Variants in CDK14 observed in about 807,000 individuals in gnomAD.
The protein encoded by CDK14 is cyclin-dependent kinase 14.
CDK14 carries 34 observed loss-of-function variants against 60.7 expected under a neutral mutation model. The ratio of observed to expected loss-of-function variants is 0.56; its 90% CI spans 0.43 to 0.75. CDK14 has a LOEUF of 0.75. Ranked by LOEUF, CDK14 falls within the 30% of genes least tolerant of loss-of-function variation. The pLI is 0.00. For missense variants in CDK14, 482 were observed against 564.1 expected, an observed-to-expected ratio of 0.85 and a Z score of 1.47; for synonymous variants, 197 against 203.7, an observed-to-expected ratio of 0.97 and a Z score of 0.28.
At chr7:90,618,792 T>A (rs17869932) in intron 2 of CDK14, among the ~76,000 whole-genome samples, 1 of 152,232 alleles carries the variant, frequency 6.6e-6, no homozygotes, top group Non-Finnish European at 1.5e-5. Context: ...CTTTCCTTTT[T>A]ACCATCAGTT....
At chr7:90,733,173 G>T (rs1174515661) in intron 3 of CDK14, among the ~76,000 whole-genome samples, 1 of 152,080 alleles carries the variant, frequency 6.6e-6, no homozygotes, top group Non-Finnish European at 1.5e-5. Flanking sequence ...TTAATCCTGA[G>T]TTCTAATTTG....
chr7:91,053,527 C>G (rs529081333), intron 11 of CDK14, among the ~76,000 whole-genome samples: 1 of 152,340 alleles, frequency 6.6e-6, no homozygotes, highest in African/African-American at 2.4e-5. Context: ...CCACCCTCCA[C>G]TTGCTAGGTA....
intron 11 of CDK14, 29 bp downstream of exon 11, chr7:91,045,989 G>A (rs1165336205): frequency 1.4e-6 from 2 of 1,434,138 alleles, no homozygotes; most frequent in South Asian, 1.1e-5. Flanking sequence ...AGATGACTAG[G>A]TGCTTCCTAT....
chr7:90,945,318 G>A (rs1403778707), intron 8 of CDK14, among the ~76,000 whole-genome samples: 3 of 152,164 alleles, frequency 2.0e-5, no homozygotes, highest in Admixed American at 6.5e-5. Flanking sequence ...AATACCTTTC[G>A]AGTTAGATGT....
At chr7:90,729,359 TTTTTTTTTTTTTC>T (rs1369921239) in intron 3 of CDK14, among the ~76,000 whole-genome samples, 6 of 133,250 alleles carry the variant, frequency 4.5e-5, no homozygotes, top group Admixed American at 1.5e-4. Context: ...TTTTTTTTTT[TTTTTTTTTTTTTC>T]CCCACTCATC....
chr7:90,898,398 A>G (rs113394436), intron 6 of CDK14, among the ~76,000 whole-genome samples: 2 of 152,230 alleles, frequency 1.3e-5, no homozygotes, highest in South Asian at 2.1e-4. Context: ...GTTGTTATAA[A>G]TGACTACAGC....
At chr7:90,854,400 AG>A (rs1297655154) in intron 5 of CDK14, among the ~76,000 whole-genome samples, 1 of 152,092 alleles carries the variant, frequency 6.6e-6, no homozygotes, top group African/African-American at 2.4e-5. Context: ...AACATTAGCC[AG>A]GGGTGGCGGC....
At chr7:91,056,300 G>A (rs760556165) in intron 11 of CDK14, among the ~76,000 whole-genome samples, 2 of 151,778 alleles carry the variant, frequency 1.3e-5, no homozygotes, top group Non-Finnish European at 2.9e-5. Flanking sequence ...TGACCCAAGG[G>A]TAGGATGAAG....
chr7:90,645,192 A>T (rs940304062), intron 2 of CDK14, among the ~76,000 whole-genome samples: 17 of 152,312 alleles, frequency 1.1e-4, no homozygotes, highest in African/African-American at 4.1e-4. Flanking sequence ...ACATTATTGT[A>T]GTTGGAAGGT....
Position 90,604,234 on chromosome 7 carries a change from C to T in CDK14, c.108C>T (p.Asp36=), listed in dbSNP as rs369643463. 1.2e-4 allele frequency: 178 copies of T among 1,541,214 alleles called. No homozygotes were observed. The highest frequency in any genetic ancestry group is 3.3e-4 in the Admixed American group (17 of 51,346). Residue 36 remains aspartate, a synonymous_variant, in exon 2 of 15, where the codon GAC becomes GAT. Transcript: ENST00000380050. ...ATTTTATAGCTTTGAAGAAAGATGA[C>T]ACCACCTTTGATGAGGTAGGTTAAA... is the stretch of plus-strand genomic sequence containing the variant. ...SFSRIALKKD[D]TTFDEICVTK...
intron 2 of CDK14, among the ~76,000 whole-genome samples, chr7:90,722,277 C>T (rs1802486840): frequency 6.6e-6 from 1 of 152,096 alleles, no homozygotes. Context: ...CTCTGCAGCT[C>T]ACTGCAGCTT....
intron 8 of CDK14, among the ~76,000 whole-genome samples, chr7:90,923,255 G>A (rs979421336): frequency 5.9e-5 from 9 of 151,584 alleles, no homozygotes; most frequent in South Asian, 2.1e-4. Flanking sequence ...GACTACAGGC[G>A]CCCACCACCA....
At chr7:91,017,727 A>G (rs1368528443) in intron 10 of CDK14, among the ~76,000 whole-genome samples, 1 of 152,206 alleles carries the variant, frequency 6.6e-6, no homozygotes, top group African/African-American at 2.4e-5. Flanking sequence ...CTCTGCCTTC[A>G]CATAACTCTT....
chr7:90,945,318 G>C (rs1403778707), intron 8 of CDK14, among the ~76,000 whole-genome samples: 1 of 152,164 alleles, frequency 6.6e-6, no homozygotes, highest in Non-Finnish European at 1.5e-5. Context: ...AATACCTTTC[G>C]AGTTAGATGT....
At chr7:90,737,143 C>T (rs1181807897) in intron 3 of CDK14, among the ~76,000 whole-genome samples, 1 of 152,172 alleles carries the variant, frequency 6.6e-6, no homozygotes, top group Non-Finnish European at 1.5e-5. Context: ...CCTATTCCTG[C>T]CACCTCCTCT....
chr7:90,881,446 C>T (rs978710303), intron 6 of CDK14, among the ~76,000 whole-genome samples: 6 of 151,838 alleles, frequency 4.0e-5, no homozygotes, highest in Non-Finnish European at 8.8e-5. Flanking sequence ...ATAAAAAGAC[C>T]AAACCTATAA....
intron 4 of CDK14, among the ~76,000 whole-genome samples, chr7:90,773,820 C>A (rs1804883424): frequency 6.7e-6 from 1 of 148,260 alleles, no homozygotes; most frequent in Admixed American, 6.9e-5. Flanking sequence ...TCTCTTCTCT[C>A]CTCTGGCATA....
intron 2 of CDK14, among the ~76,000 whole-genome samples, chr7:90,645,787 T>A (rs1447449487): frequency 2.0e-5 from 3 of 152,230 alleles, no homozygotes; most frequent in African/African-American, 7.2e-5. Context: ...TTTTCCATCT[T>A]TAACATATTG....
chr7:90,801,862 A>G (rs1788646036), intron 5 of CDK14, among the ~76,000 whole-genome samples: 1 of 152,186 alleles, frequency 6.6e-6, no homozygotes. Flanking sequence ...TTATTTTGTC[A>G]ATATCTGGAT....
Sources: gnomAD v4.1 joint callset for allele counts (sites outside exome capture counted in the v4.1 genomes callset) on GRCh38, gnomAD v4.1.1 for gene constraint, MANE v1.5 for transcripts, NCBI Gene and HGNC (gene_info 2026-07-23, HGNC 2026-07-21) for gene names.